Variants in CARMIL1 observed in about 807,000 individuals in gnomAD.
CARMIL1 encodes the protein capping protein regulator and myosin 1 linker 1.
CARMIL1 carries 90 observed loss-of-function variants against 177.1 expected under a neutral mutation model. That is an observed-to-expected ratio of 0.51 (90% CI 0.43 to 0.61). The LOEUF is 0.61. CARMIL1 is among the 20% of genes least tolerant of loss of function. The probability of loss-of-function intolerance (pLI) is 0.00; values close to 1 mark genes in which losing one functional copy is unlikely to be tolerated. For missense variants in CARMIL1, 1,380 were observed against 1,667.0 expected (o/e 0.83, Z 3.00); for synonymous variants, 577 against 606.2 (o/e 0.95, Z 0.71).
intron 5 of CARMIL1, among the ~76,000 whole-genome samples, chr6:25,443,645 T>C (rs979473110): frequency 2.0e-5 from 3 of 152,232 alleles, no homozygotes; most frequent in Non-Finnish European, 2.9e-5. Context: ...GAAGAATATA[T>C]ATACCTTAAA....
At chr6:25,426,099 A>G (rs992003558) in intron 3 of CARMIL1, among the ~76,000 whole-genome samples, 1 of 152,188 alleles carries the variant, frequency 6.6e-6, no homozygotes, top group Non-Finnish European at 1.5e-5. Flanking sequence ...TTCATTTCTC[A>G]ATGAATAAAT....
chr6:25,565,406 A>C lies in CARMIL1; in HGVS notation c.2742+8556A>C, dbSNP rs563454235. The stretch of plus-strand genomic sequence containing the variant: ...ATGTCCAGGAGTAGCTCTGGGGCTC[A>C]GTAGTCAAGTCTGAATAAGGAGTCA... On this transcript the variant is annotated intron_variant, in intron 29 of 36. Coordinates refer to ENST00000329474, the MANE Select transcript of CARMIL1 (RefSeq NM_017640.6). 2.2e-4 allele frequency among the ~76,000 whole-genome samples: 33 copies of C among 152,352 alleles called. No homozygotes were observed. In the South Asian group the frequency reaches 6.0e-3, roughly 28 times the overall value.
intron 3 of CARMIL1, among the ~76,000 whole-genome samples, chr6:25,424,931 A>G (rs1482756670): frequency 2.0e-5 from 3 of 152,230 alleles, no homozygotes; most frequent in Admixed American, 2.0e-4. Context: ...TAACTCAAAG[A>G]AAAACTTTGG....
chr6:25,402,756 A>G (rs1400542244), intron 2 of CARMIL1, among the ~76,000 whole-genome samples: 1 of 152,202 alleles, frequency 6.6e-6, no homozygotes, highest in African/African-American at 2.4e-5. Context: ...ATGTGCAGAT[A>G]CAGAACATTT....
intron 2 of CARMIL1, among the ~76,000 whole-genome samples, chr6:25,304,007 A>T (rs1783070963): frequency 6.6e-6 from 1 of 152,248 alleles, no homozygotes; most frequent in East Asian, 1.9e-4. Flanking sequence ...CTCTGCTTTA[A>T]AAGTCTTGTG....
chr6:25,597,024 C>G (rs1471582611), intron 32 of CARMIL1, among the ~76,000 whole-genome samples: 2 of 152,074 alleles, frequency 1.3e-5, no homozygotes, highest in East Asian at 3.8e-4. Flanking sequence ...TTATTTAGCT[C>G]ATGGTTCTGG....
intron 33 of CARMIL1, 134 bp from the exon 34 acceptor site, chr6:25,604,678 G>A (rs1815768771): frequency 1.5e-6 from 1 of 682,920 alleles, no homozygotes; most frequent in South Asian, 1.8e-5. Context: ...ATGGAGACAG[G>A]TCAGGCACAG....
At chr6:25,383,447 A>G (rs1402589895) in intron 2 of CARMIL1, among the ~76,000 whole-genome samples, 1 of 152,226 alleles carries the variant, frequency 6.6e-6, no homozygotes, top group African/African-American at 2.4e-5. Context: ...ATTAATTGAA[A>G]TACTTTATGC....
At chr6:25,530,798 A>G (rs1807686811) in intron 24 of CARMIL1, among the ~76,000 whole-genome samples, 1 of 152,084 alleles carries the variant, frequency 6.6e-6, no homozygotes, top group South Asian at 2.1e-4. Context: ...AAGCTGAGAG[A>G]AAGTTTTTAA....
chr6:25,437,604 A>G (rs1190519109), intron 5 of CARMIL1, among the ~76,000 whole-genome samples: 1 of 152,176 alleles, frequency 6.6e-6, no homozygotes, highest in African/African-American at 2.4e-5. Context: ...CCAATAGGGC[A>G]TCTCTACAAG....
chr6:25,577,092 T>G lies in CARMIL1; in HGVS notation c.2743-3832T>G. On this transcript the variant is annotated intron_variant, in intron 29 of 36. Coordinates refer to ENST00000329474, the MANE Select transcript of CARMIL1 (RefSeq NM_017640.6). This position sits in a 1 kb window ranked among gnomAD's most constrained non-coding sequence, Gnocchi z 4.5. ...CTGCCTGGCTGGTCTCCCAGGAGACTGTAGTGTTGTCATCCATCTGCAGAT... is the reference window on the plus strand; with the variant it reads ...CTGCCTGGCTGGTCTCCCAGGAGACGGTAGTGTTGTCATCCATCTGCAGAT... The G allele has an allele frequency of 1.0e-6, 1 of 985,380 alleles. No homozygotes were observed. The highest frequency in any genetic ancestry group is 1.2e-6 in the Non-Finnish European group (1 of 829,934). 61.0% of individuals were successfully genotyped at this position (985,380 alleles called of 1,614,324 possible).
At chr6:25,413,153 G>GTA (rs35232586) in intron 2 of CARMIL1, among the ~76,000 whole-genome samples, 62,696 of 151,264 alleles carry the variant, frequency 0.41, 14,272 homozygotes, top group Non-Finnish European at 0.52. Flanking sequence ...CCTCACCTAG[G>GTA]TATATGTCTT....
chr6:25,308,783 G>A (rs913922863), intron 2 of CARMIL1, among the ~76,000 whole-genome samples: 1 of 152,058 alleles, frequency 6.6e-6, no homozygotes, highest in African/African-American at 2.4e-5. Flanking sequence ...TTTAAGTGAA[G>A]GTGGAAGTTC....
Position 25,515,764 on chromosome 6 carries a change from C to G in CARMIL1, c.1722C>G (p.Thr574=), listed in dbSNP as rs777641821. The change falls in exon 21 of 37, where the codon ACC becomes ACG. Residue 574 remains threonine, a synonymous_variant. Transcript: ENST00000329474. The surrounding 1 kb of genome is among the most constrained non-coding windows in gnomAD (Gnocchi z 5.0). ...CCCTGGGAAGCAACACCTCCCTGAC[C>G]AAAGTGGACATTAGCGGCAACGGAA... ...INALGSNTSL[T]KVDISGNGMG... 2 of 1,611,906 alleles carry G rather than the reference C, an allele frequency of 1.2e-6. No individual in the cohort carries two copies. Among genetic ancestry groups the G allele is most frequent in the Non-Finnish European group, 1.7e-6 (2 of 1,179,184 alleles).
chr6:25,284,782 A>G (rs935749051), intron 1 of CARMIL1, 30 bp from the exon 2 acceptor site: 22 of 1,289,340 alleles, frequency 1.7e-5, no homozygotes, highest in African/African-American at 4.5e-5. Context: ...TTTTTTTCTT[A>G]TTAATAACAT....
chr6:25,574,566 T>G (rs985261417), intron 29 of CARMIL1, among the ~76,000 whole-genome samples: 1 of 152,240 alleles, frequency 6.6e-6, no homozygotes, highest in Non-Finnish European at 1.5e-5. Flanking sequence ...TCCCCGTTTC[T>G]CCTGAGGCAC....
chr6:25,563,364 A>G, intron 29 of CARMIL1: 4 of 985,384 alleles, frequency 4.1e-6, no homozygotes, highest in Middle Eastern at 5.2e-4. Flanking sequence ...ACAATATTCA[A>G]ATTGGAGAAA....
chr6:25,384,064 C>T (rs1791891380), intron 2 of CARMIL1, among the ~76,000 whole-genome samples: 1 of 152,156 alleles, frequency 6.6e-6, no homozygotes, highest in African/African-American at 2.4e-5. Flanking sequence ...GTCTCGAACT[C>T]CTGACCTCAA....
chr6:25,392,054 A>ATGTG (rs36076582), intron 2 of CARMIL1, among the ~76,000 whole-genome samples: 268 of 139,348 alleles, frequency 1.9e-3, no homozygotes, highest in East Asian at 7.4e-3. Context: ...GTGTATATGC[A>ATGTG]TGTGTGTGTG....
Sources: gnomAD v4.1 joint callset for allele counts (sites outside exome capture counted in the v4.1 genomes callset) on GRCh38, gnomAD v4.1.1 for gene constraint, Gnocchi (gnomAD v3.1) non-coding constraint, MANE v1.5 for transcripts, NCBI Gene and HGNC (gene_info 2026-07-23, HGNC 2026-07-21) for gene names.